GRAMD4: variants seen among roughly 807,000 people sequenced by gnomAD.
The protein encoded by GRAMD4 is GRAM domain-containing protein 4.
A neutral mutation model predicts 83.9 loss-of-function variants in GRAMD4; 25 were observed. The observed-to-expected ratio is 0.30, with a 90% CI of 0.22 to 0.42. GRAMD4 has a LOEUF of 0.42. GRAMD4 is among the 10% of genes least tolerant of loss of function. GRAMD4 has a pLI of 1.00. For synonymous variants in GRAMD4, 336 were observed against 320.9 expected (o/e 1.05, Z -0.50); for missense variants, 593 against 788.7 (o/e 0.75, Z 2.97).
chr22:46,584,094 C>T (rs1031940198), intron 1 of GRAMD4, among the ~76,000 whole-genome samples: 5 of 152,124 alleles, frequency 3.3e-5, no homozygotes, highest in African/African-American at 9.7e-5. Flanking sequence ...TGCTGGCCGT[C>T]GGGTTCCCTG....
chr22:46,660,151 G>T (rs1268257794), intron 4 of GRAMD4, among the ~76,000 whole-genome samples: 12 of 152,218 alleles, frequency 7.9e-5, no homozygotes, highest in Non-Finnish European at 4.4e-5. Context: ...GGTGTGCCCA[G>T]CCCGGGTCAG....
intron 1 of GRAMD4, among the ~76,000 whole-genome samples, chr22:46,600,968 A>C (rs2081306730): frequency 6.6e-6 from 1 of 152,072 alleles, no homozygotes; most frequent in Admixed American, 6.5e-5. Context: ...ATATGGTGAA[A>C]TCCCGTCTCT....
In GRAMD4 at chr22:46,587,850, TGTG is replaced by T. The variant is rs533797227; in HGVS notation, c.-50+10561_-50+10563del. The T allele has an allele frequency of 5.5e-4, 514 of 942,120 alleles. 2 individuals are homozygous for T. In the African/African-American group the frequency reaches 8.2e-3, roughly 15 times the overall value. The allele number at this position is 942,120 out of a possible 1,614,324, so 58.4% of individuals were successfully genotyped here. The stretch of plus-strand genomic sequence containing the variant: ...TGGTGGAGAGGAAGTGAAACAGGCG[TGTG>T]CGCCAGAAGCCCGGGCGTCGGGGTG... On this transcript the variant is annotated intron_variant, in intron 1 of 1. Transcript: ENST00000431155.
In GRAMD4 at chr22:46,677,823, G is replaced by A; in HGVS notation, c.*572G>A. On this transcript the variant is annotated 3_prime_UTR_variant, in exon 19 of 19. Transcript: ENST00000406902. ...CTGTGGCATTTGCCCTTGGTGCCGGGCTGGGGCCGGGCGCAGTGACCCTGC... is the reference window on the plus strand; with the variant it reads ...CTGTGGCATTTGCCCTTGGTGCCGGACTGGGGCCGGGCGCAGTGACCCTGC... The A allele has an allele frequency of 1.0e-6, 1 of 985,650 alleles. No individual in the cohort carries two copies. Among genetic ancestry groups the A allele is most frequent in the Non-Finnish European group, 1.2e-6 (1 of 830,106 alleles). The allele number at this position is 985,650 out of a possible 1,614,324, so 61.1% of individuals were successfully genotyped here. A position where few individuals can be genotyped will look rare whatever the true frequency, so the allele number is the denominator to read the frequency against.
Position 46,678,822 on chromosome 22 carries a change from G to A in GRAMD4, c.*1571G>A, listed in dbSNP as rs530891258. On this transcript the variant is annotated 3_prime_UTR_variant, in exon 19 of 19. Transcript: ENST00000406902. ...GGCCGCAGAGTCACACGCTGGTGCC[G>A]GGGGTGCTTTGGGGGGAGCTGCGCC... The A allele has an allele frequency of 1.4e-5, 14 of 986,256 alleles. No individual in the cohort carries two copies. The highest frequency in any genetic ancestry group is 1.2e-4 in the African/African-American group (7 of 57,358). 61.1% of individuals were successfully genotyped at this position (986,256 alleles called of 1,614,324 possible).
chr22:46,667,107 C>A (rs999824271), intron 10 of GRAMD4, among the ~76,000 whole-genome samples: 2 of 152,250 alleles, frequency 1.3e-5, no homozygotes, highest in Non-Finnish European at 2.9e-5. Context: ...GTGCAAGAAG[C>A]AGATTGCCTG....
intron 1 of GRAMD4, among the ~76,000 whole-genome samples, chr22:46,613,168 C>T (rs761328859): frequency 6.6e-5 from 10 of 152,224 alleles, no homozygotes; most frequent in Non-Finnish European, 8.8e-5. Context: ...TTTTTGCTGT[C>T]GTTACCACTG....
rs945548067 is a variant in GRAMD4 at position 46,622,779 on chromosome 22, G to A, written c.-50+2214G>A. ...ATACAAAAAATTAGCTGGTGTGGTG[G>A]CGGGTGCCTGTAGTCCCAGCTACTC... On this transcript the variant is annotated intron_variant, in intron 1 of 18. Coordinates refer to ENST00000406902, the MANE Select transcript of GRAMD4 (RefSeq NM_015124.5). The surrounding 1 kb of genome is among the most constrained non-coding windows in gnomAD (Gnocchi z 4.0). Among the ~76,000 whole-genome samples the A allele has an allele frequency of 1.3e-5, 2 of 152,006 alleles. No homozygotes were observed. The highest frequency in any genetic ancestry group is 2.4e-5 in the African/African-American group (1 of 41,378).
chr22:46,595,618 TC>T lies in GRAMD4; in HGVS notation c.-50+18330del, dbSNP rs112092544. Reference sequence around the variant, plus strand: ...GGGCACACCCATGGGAGGCCCCTCTTCCTGCCCTGAACCCTCTGAGCGTCAC... The same window carrying T: ...GGGCACACCCATGGGAGGCCCCTCTTCTGCCCTGAACCCTCTGAGCGTCAC... On this transcript the variant is annotated intron_variant, in intron 1 of 1. Coordinates refer to the GRAMD4 transcript ENST00000431155. Among the ~76,000 whole-genome samples, 591 of 152,292 alleles carry T rather than the reference TC, an allele frequency of 3.9e-3. 3 individuals are homozygous for T. The highest frequency in any genetic ancestry group is 0.013 in the African/African-American group (555 of 41,572).
chr22:46,658,455 TC>T (rs2082278273), intron 4 of GRAMD4, 148 bp downstream of exon 4: 1 of 747,852 alleles, frequency 1.3e-6, no homozygotes, highest in African/African-American at 1.8e-5. Flanking sequence ...TGGGCCCGGC[TC>T]TGACTGCCCA....
In GRAMD4 at chr22:46,679,426, G is replaced by A; in HGVS notation, c.*2175G>A. ...CCGACTGGCTCTGCTGCCAGCACAGGCCCCTCCCTGGAAGTCCTCGGGAGC... is the reference window on the plus strand; with the variant it reads ...CCGACTGGCTCTGCTGCCAGCACAGACCCCTCCCTGGAAGTCCTCGGGAGC... On this transcript the variant is annotated 3_prime_UTR_variant, in exon 19 of 19. Coordinates refer to ENST00000406902, the MANE Select transcript of GRAMD4 (RefSeq NM_015124.5). 1 of 985,508 alleles carries A rather than the reference G, an allele frequency of 1.0e-6. No homozygotes were observed. Among genetic ancestry groups the A allele is most frequent in the Non-Finnish European group, 1.2e-6 (1 of 829,938 alleles). 61.0% of individuals were successfully genotyped at this position (985,508 alleles called of 1,614,324 possible).
At chr22:46,668,308 G>A (rs958972478) in intron 11 of GRAMD4, 141 bp downstream of exon 11, 2 of 624,390 alleles carry the variant, frequency 3.2e-6, no homozygotes, top group East Asian at 2.7e-5. Context: ...CTGCAGGCCC[G>A]GTTTGTCCGC....
intron 18 of GRAMD4, 145 bp from the exon 19 acceptor site, chr22:46,677,002 G>C: frequency 1.1e-6 from 1 of 893,004 alleles, no homozygotes; most frequent in Non-Finnish European, 1.7e-6. Context: ...CCTGGCTCCG[G>C]GTGGTGGGGA....
intron 16 of GRAMD4, 89 bp downstream of exon 16, chr22:46,674,839 C>T (rs2082570492): frequency 1.1e-6 from 1 of 943,094 alleles, no homozygotes; most frequent in South Asian, 1.3e-5. Context: ...TGGCCCAGTG[C>T]AGGTTTTCCT....
chr22:46,658,835 T>C (rs2082284982), intron 4 of GRAMD4, among the ~76,000 whole-genome samples: 1 of 136,146 alleles, frequency 7.3e-6, no homozygotes, highest in Non-Finnish European at 1.6e-5. Flanking sequence ...AGCAGTATCA[T>C]GTCCTGGGCG....
intron 3 of GRAMD4, among the ~76,000 whole-genome samples, chr22:46,638,882 C>T (rs1048082388): frequency 7.9e-5 from 12 of 152,194 alleles, no homozygotes; most frequent in African/African-American, 2.9e-4. Flanking sequence ...GGGTCTTTTC[C>T]ATGCTGTGTA....
intron 1 of GRAMD4, among the ~76,000 whole-genome samples, chr22:46,626,366 T>C (rs2081659012): frequency 6.6e-6 from 1 of 152,168 alleles, no homozygotes; most frequent in African/African-American, 2.4e-5. Flanking sequence ...CCCTTGCGCC[T>C]GCGCGCCGCC....
intron 4 of GRAMD4, among the ~76,000 whole-genome samples, chr22:46,658,854 G>A (rs536727516): frequency 5.8e-5 from 8 of 137,640 alleles, no homozygotes; most frequent in South Asian, 2.5e-4. Flanking sequence ...CGCCAGTGCC[G>A]CCCTGGCTCC....
chr22:46,599,563 G>A (rs1029466449), intron 1 of GRAMD4, among the ~76,000 whole-genome samples: 1 of 152,086 alleles, frequency 6.6e-6, no homozygotes, highest in Non-Finnish European at 1.5e-5. Context: ...CTGACCTCAG[G>A]TGACCCACCC....
Sources: gnomAD v4.1 joint callset for allele counts (sites outside exome capture counted in the v4.1 genomes callset) on GRCh38, gnomAD v4.1.1 for gene constraint, Gnocchi (gnomAD v3.1) non-coding constraint, MANE v1.5 for transcripts, NCBI Gene and HGNC (gene_info 2026-07-23, HGNC 2026-07-21) for gene names.